Variants in PTPRD observed in about 807,000 individuals in gnomAD.
PTPRD encodes protein tyrosine phosphatase receptor type D.
A neutral mutation model predicts 214.5 loss-of-function variants in PTPRD; 34 were observed. The observed-to-expected ratio is 0.16, with a 90% CI of 0.12 to 0.21. The LOEUF (loss-of-function observed/expected upper bound fraction) is 0.21. PTPRD is among the 10% of genes least tolerant of loss of function. The probability of loss-of-function intolerance (pLI) is 1.00; values close to 1 mark genes in which losing one functional copy is unlikely to be tolerated. For synonymous variants in PTPRD, 1,128 were observed against 845.7 expected, an observed-to-expected ratio of 1.33 and a Z score of -5.79; for missense variants, 2,545 against 2,398.7, an observed-to-expected ratio of 1.06 and a Z score of -1.27.
chr9:9,472,767 A>G (rs1015758499), intron 8 of PTPRD, among the ~76,000 whole-genome samples: 7 of 152,190 alleles, frequency 4.6e-5, no homozygotes, highest in Non-Finnish European at 8.8e-5. Flanking sequence ...TAATCGGCAT[A>G]AAATCCTAAC....
At chr9:10,555,190 T>A (rs2062252441) in intron 2 of PTPRD, among the ~76,000 whole-genome samples, 1 of 152,174 alleles carries the variant, frequency 6.6e-6, no homozygotes, top group Admixed American at 6.6e-5. Context: ...AAAAATGACC[T>A]GATTCCAAAT....
At chr9:8,956,122 G>C (rs1426542130) in intron 11 of PTPRD, among the ~76,000 whole-genome samples, 1 of 151,842 alleles carries the variant, frequency 6.6e-6, no homozygotes, top group Non-Finnish European at 1.5e-5. Flanking sequence ...AAATTACAAT[G>C]TCAGAAACAT....
At chr9:10,360,312 AT>A in intron 2 of PTPRD, among the ~76,000 whole-genome samples, 1 of 152,382 alleles carries the variant, frequency 6.6e-6, no homozygotes, top group African/African-American at 2.4e-5. Context: ...TAGAAAGGGT[AT>A]TTTAAGTACA....
intron 3 of PTPRD, among the ~76,000 whole-genome samples, chr9:10,305,197 G>C (rs1348976914): frequency 6.6e-6 from 1 of 151,976 alleles, no homozygotes; most frequent in African/African-American, 2.4e-5. Context: ...AAACTGAATA[G>C]GCATATGCAG....
intron 11 of PTPRD, among the ~76,000 whole-genome samples, chr9:8,952,130 C>A (rs958226786): frequency 6.6e-6 from 1 of 151,980 alleles, no homozygotes; most frequent in Non-Finnish European, 1.5e-5. Context: ...TTGCCTCCCC[C>A]ACTAAAATAA....
At chr9:9,001,723 G>A (rs915182121) in intron 11 of PTPRD, among the ~76,000 whole-genome samples, 1 of 151,994 alleles carries the variant, frequency 6.6e-6, no homozygotes, top group Non-Finnish European at 1.5e-5. Context: ...TTCTAAATGA[G>A]TGACTTACAA....
intron 7 of PTPRD, among the ~76,000 whole-genome samples, chr9:9,694,212 A>G (rs116154917): frequency 0.01 from 1,535 of 151,932 alleles, 27 homozygotes; most frequent in African/African-American, 0.035. Context: ...ATTCTTCACC[A>G]TCTGGGCTTG....
rs532873481 is a variant in PTPRD at position 9,207,453 on chromosome 9, G to A, written c.-202-24090C>T. Reference sequence around the variant, plus strand: ...AATCATACAATAGACAAATGAGTTAGGGAAACAGTTCAAAGAAAAAAAAGC... The same window carrying A: ...AATCATACAATAGACAAATGAGTTAAGGAAACAGTTCAAAGAAAAAAAAGC... On this transcript the variant is annotated intron_variant, in intron 9 of 45. Transcript: ENST00000381196. Among the ~76,000 whole-genome samples the A allele has an allele frequency of 7.7e-4, 117 of 151,992 alleles. 2 individuals carry two copies. Among genetic ancestry groups the A allele is most frequent in the African/African-American group, 1.3e-3 (52 of 41,466 alleles).
intron 10 of PTPRD, chr9:9,090,800 A>G (rs2099774392): frequency 1.5e-6 from 1 of 688,234 alleles, no homozygotes; most frequent in Non-Finnish European, 2.6e-6. Context: ...CATTCTTCAA[A>G]TAACTCTTAA....
chr9:9,401,604 AT>A (rs112089821), intron 8 of PTPRD, among the ~76,000 whole-genome samples: 11,074 of 150,804 alleles, frequency 0.073, 463 homozygotes, highest in Middle Eastern at 0.13. Flanking sequence ...GTTATATCTT[AT>A]TTTTTTTTTT....
intron 21 of PTPRD, among the ~76,000 whole-genome samples, chr9:8,511,359 C>T (rs2097677830): frequency 6.6e-6 from 1 of 152,210 alleles, no homozygotes; most frequent in Admixed American, 6.5e-5. Context: ...GTGTGAGCCA[C>T]TGTGCCTCGC....
chr9:8,342,124 A>G (rs920019784), intron 39 of PTPRD, 146 bp from the exon 40 acceptor site: 4 of 787,482 alleles, frequency 5.1e-6, no homozygotes, highest in African/African-American at 3.5e-5. Context: ...GTAATACTCT[A>G]AAGTCAAAAG....
At chr9:8,426,402 G>A (rs950129256) in intron 35 of PTPRD, among the ~76,000 whole-genome samples, 1 of 152,140 alleles carries the variant, frequency 6.6e-6, no homozygotes, top group African/African-American at 2.4e-5. Flanking sequence ...TAGCATTCCG[G>A]TGCTAAAATC....
intron 34 of PTPRD, among the ~76,000 whole-genome samples, chr9:8,448,120 T>C (rs1035191850): frequency 1.3e-5 from 2 of 150,800 alleles, no homozygotes; most frequent in Non-Finnish European, 3.0e-5. Flanking sequence ...AGCCCAGGAG[T>C]TGGAGCCCAG....
chr9:9,308,075 G>GA (rs1217904903), intron 9 of PTPRD, among the ~76,000 whole-genome samples: 1 of 152,118 alleles, frequency 6.6e-6, no homozygotes, highest in Admixed American at 6.6e-5. Context: ...TATAGCCTGT[G>GA]AACAAATTGA....
intron 21 of PTPRD, among the ~76,000 whole-genome samples, chr9:8,517,598 G>A (rs996807545): frequency 2.6e-5 from 4 of 152,118 alleles, no homozygotes; most frequent in Non-Finnish European, 5.9e-5. Flanking sequence ...ATCTCACATA[G>A]AGAAGTCTTC....
intron 3 of PTPRD, among the ~76,000 whole-genome samples, chr9:10,184,843 A>G (rs1454042944): frequency 2.6e-5 from 4 of 152,242 alleles, no homozygotes; most frequent in East Asian, 1.9e-4. Flanking sequence ...CCTGTTTGAC[A>G]TAGAGAAAAC....
intron 2 of PTPRD, among the ~76,000 whole-genome samples, chr9:10,569,010 T>A (rs2066569694): frequency 6.6e-6 from 1 of 151,988 alleles, no homozygotes; most frequent in Non-Finnish European, 1.5e-5. Flanking sequence ...AGAAAATTTT[T>A]ACAACCTACT....
intron 23 of PTPRD, among the ~76,000 whole-genome samples, chr9:8,503,847 C>T (rs2137179607): frequency 6.6e-6 from 1 of 152,268 alleles, no homozygotes; most frequent in African/African-American, 2.4e-5. Flanking sequence ...AAGCTAAAGC[C>T]TGTGTGCTTA....
Sources: allele counts gnomAD v4.1 joint callset (sites outside exome capture counted in the v4.1 genomes callset), GRCh38; gene constraint gnomAD v4.1.1; transcripts MANE v1.5; gene names NCBI Gene and HGNC (gene_info 2026-07-23, HGNC 2026-07-21).